Variants in PACRGL observed in about 807,000 individuals in gnomAD.
PACRGL encodes parkin coregulated like.
In PACRGL, 38 loss-of-function variants were observed where a neutral mutation model predicts 34.5. The ratio of observed to expected loss-of-function variants is 1.10; its 90% CI spans 0.85 to 1.44. The LOEUF (loss-of-function observed/expected upper bound fraction) is 1.44, where lower values mean the gene tolerates loss of function less well. Among genes scored for constraint, PACRGL ranks in the 40% most tolerant of loss-of-function variants. The pLI is 0.00. For missense variants in PACRGL, 305 were observed against 281.4 expected (o/e 1.08, Z -0.60); for synonymous variants, 128 against 100.1 (o/e 1.28, Z -1.66).
At position 20,731,310 on chromosome 4, in the gene PACRGL, G is replaced by GTTATC. The variant is rs1223838363; in HGVS notation, c.*3972_*3976dup. 1.2e-6 allele frequency: 1 copy of GTTATC among 824,464 alleles called. No individual in the cohort carries two copies. The highest frequency in any genetic ancestry group is 1.8e-5 in the African/African-American group (1 of 54,068). 51.1% of individuals were successfully genotyped at this position (824,464 alleles called of 1,614,324 possible). On this transcript the variant is annotated 3_prime_UTR_variant, in exon 9 of 9. Transcript: ENST00000503585. Reference sequence around the variant, plus strand: ...ATTGGACTCAAAATCCTGGCCTTAAGTTATCTTCCCGCCTCAGCCTCCCAT... The same window carrying GTTATC: ...ATTGGACTCAAAATCCTGGCCTTAAGTTATCTTATCTTCCCGCCTCAGCCTCCCAT...
At chr4:20,761,383 G>A in the PACRGL span, among the ~76,000 whole-genome samples, 5 of 152,126 alleles carry the variant, frequency 3.3e-5, no homozygotes, top group South Asian at 6.2e-4. Flanking sequence ...CTCCAAAGGT[G>A]GTATGTATAC....
rs555893389 is a variant in PACRGL at position 20,701,613 on chromosome 4, A to C, written c.-17+826A>C. The C allele has an allele frequency of 3.0e-3, 856 of 289,376 alleles. 1 individual carries two copies. Among genetic ancestry groups the C allele is most frequent in the Non-Finnish European group, 4.8e-3 (694 of 144,078 alleles). The allele number at this position is 289,376 out of a possible 1,614,324, so 17.9% of individuals were successfully genotyped here. On this transcript the variant is annotated intron_variant, in intron 1 of 8. Coordinates refer to ENST00000503585, the MANE Select transcript of PACRGL (RefSeq NM_001258345.3). ...AGGGTTACCAAGGATAAGATTTTTAAAGCTTGCTTTCACAAACAACTCATG... is the reference window on the plus strand; with the variant it reads ...AGGGTTACCAAGGATAAGATTTTTACAGCTTGCTTTCACAAACAACTCATG...
chr4:20,729,079 G>T lies in PACRGL; in HGVS notation c.*1738G>T, dbSNP rs1422344573. The T allele has an allele frequency of 1.3e-5, 2 of 151,820 alleles. No homozygotes were observed. The highest frequency in any genetic ancestry group is 2.9e-5 in the Non-Finnish European group (2 of 67,968). 9.4% of individuals were successfully genotyped at this position (151,820 alleles called of 1,614,324 possible). On this transcript the variant is annotated 3_prime_UTR_variant, in exon 9 of 9. Coordinates refer to ENST00000503585, the MANE Select transcript of PACRGL (RefSeq NM_001258345.3). Reference sequence around the variant, plus strand: ...TGCTTGCTAATTTTGCTTGCTGTTTGTTCTTAGTAGACAGTGGGGTAGTCA... The same window carrying T: ...TGCTTGCTAATTTTGCTTGCTGTTTTTTCTTAGTAGACAGTGGGGTAGTCA...
chr4:20,706,865 C>T lies in PACRGL; in HGVS notation c.208-938C>T, dbSNP rs528403566. On this transcript the variant is annotated intron_variant, in intron 3 of 8. Coordinates refer to ENST00000503585, the MANE Select transcript of PACRGL (RefSeq NM_001258345.3). Reference sequence around the variant, plus strand: ...CTGGGATTACAGGCTTGAGCCACTGCGCCTGGCCAGATATGAATCTTTTAT... The same window carrying T: ...CTGGGATTACAGGCTTGAGCCACTGTGCCTGGCCAGATATGAATCTTTTAT... 3.9e-5 allele frequency among the ~76,000 whole-genome samples: 6 copies of T among 152,240 alleles called. No homozygotes were observed. The East Asian group carries it at 1.2e-3, about 29-fold the overall frequency.
chr4:20,762,852 A>G, the PACRGL span, among the ~76,000 whole-genome samples: 62 of 152,306 alleles, frequency 4.1e-4, no homozygotes, highest in African/African-American at 1.4e-3. Context: ...TAAAGGAAAG[A>G]GGTTAATTGA....
downstream of PACRGL, among the ~76,000 whole-genome samples, chr4:20,733,414 C>G (rs2149269236): frequency 6.6e-6 from 1 of 152,264 alleles, no homozygotes; most frequent in Non-Finnish European, 1.5e-5. Flanking sequence ...AAAATAATCT[C>G]TAATAACTTA....
the PACRGL span, among the ~76,000 whole-genome samples, chr4:20,760,282 T>C: frequency 6.6e-6 from 1 of 152,116 alleles, no homozygotes; most frequent in Non-Finnish European, 1.5e-5. Context: ...TGGGGAAGGA[T>C]GAATGGTGTG....
chr4:20,706,101 T>G (rs1457541393), intron 3 of PACRGL, among the ~76,000 whole-genome samples: 3 of 151,922 alleles, frequency 2.0e-5, no homozygotes, highest in Non-Finnish European at 4.4e-5. Flanking sequence ...TGTTAAAAAT[T>G]GAATGGGATA....
chr4:20,724,912 G>GT, intron 8 of PACRGL, 24 bp downstream of exon 8: 1 of 1,255,144 alleles, frequency 8.0e-7, no homozygotes, highest in South Asian at 1.8e-5. Context: ...TATTCCTTAA[G>GT]TCTTTTTTTT....
At chr4:20,723,373 A>G (rs191223879) in intron 7 of PACRGL, among the ~76,000 whole-genome samples, 6 of 152,196 alleles carry the variant, frequency 3.9e-5, no homozygotes, top group Non-Finnish European at 8.8e-5. Flanking sequence ...CTGAGCAGAA[A>G]CAGGCATGCT....
rs1746541685 is a variant in PACRGL at position 20,728,169 on chromosome 4, T to A, written c.*828T>A. On this transcript the variant is annotated 3_prime_UTR_variant, in exon 9 of 9. Transcript: ENST00000503585. ...GGAAAATTTTCAGAGTATTCTAGTT[T>A]AAAAAATTTTTTCTAATTCTGTAAA... 1 of 152,104 alleles carries A rather than the reference T, an allele frequency of 6.6e-6. No homozygotes were observed. The highest frequency in any genetic ancestry group is 1.5e-5 in the Non-Finnish European group (1 of 68,044). The allele number at this position is 152,104 out of a possible 1,614,324, so 9.4% of individuals were successfully genotyped here. A position where few individuals can be genotyped will look rare whatever the true frequency, so the allele number is the denominator to read the frequency against.
intron 1 of PACRGL, among the ~76,000 whole-genome samples, chr4:20,704,059 G>A (rs1733457819): frequency 1.3e-5 from 2 of 152,160 alleles, no homozygotes; most frequent in Non-Finnish European, 2.9e-5. Context: ...AGAGCTTGAT[G>A]TGCACATGTT....
chr4:20,746,140 A>T (rs1018411078), intron 8 of PACRGL, among the ~76,000 whole-genome samples: 1 of 152,208 alleles, frequency 6.6e-6, no homozygotes, highest in Non-Finnish European at 1.5e-5. Context: ...ATGTCCATCA[A>T]TAATACACTG....
intron 6 of PACRGL, 195 bp from the exon 7 acceptor site, chr4:20,713,237 T>C: frequency 1.7e-6 from 1 of 577,922 alleles, no homozygotes; most frequent in East Asian, 2.9e-5. Flanking sequence ...GATGGAAAAT[T>C]TGTTTTTTGC....
intron 7 of PACRGL, chr4:20,719,000 A>G (rs1741598906): frequency 6.6e-6 from 1 of 152,116 alleles, no homozygotes; most frequent in Non-Finnish European, 1.5e-5. Flanking sequence ...TATTGCCTCA[A>G]TTTCCGAGCC....
At chr4:20,735,808 T>TA (rs1330693737), downstream of PACRGL, among the ~76,000 whole-genome samples, 4 of 152,066 alleles carry the variant, frequency 2.6e-5, no homozygotes, top group Non-Finnish European at 4.4e-5. Context: ...GTGCTGGGAT[T>TA]ACAGGCGTGA....
downstream of PACRGL, among the ~76,000 whole-genome samples, chr4:20,757,520 T>C (rs1188419002): frequency 2.0e-5 from 3 of 152,076 alleles, no homozygotes; most frequent in African/African-American, 4.8e-5. Flanking sequence ...TCACCCTCCA[T>C]TGTACACTCT....
chr4:20,730,724 A>C lies in PACRGL; in HGVS notation c.*3383A>C, dbSNP rs575685850. Among the ~76,000 whole-genome samples, 1 of 152,304 alleles carries C rather than the reference A, an allele frequency of 6.6e-6. No homozygotes were observed. The highest frequency in any genetic ancestry group is 2.4e-5 in the African/African-American group (1 of 41,570). ...TACAGAGAAAGAATTGGGGAGCAGA[A>C]ACCACTGCTCAGTGGCTGTGTTCAG... is the stretch of plus-strand genomic sequence containing the variant. On this transcript the variant is annotated 3_prime_UTR_variant, in exon 9 of 9. Coordinates refer to ENST00000503585, the MANE Select transcript of PACRGL (RefSeq NM_001258345.3).
Position 20,731,040 on chromosome 4 carries a change from CA to C in PACRGL, c.*3701del, listed in dbSNP as rs1748021221. ...AAAATAAAGAGAAAAACTAAAGAAA[CA>C]ACGGATTTCTTTGTTTTCAGGATTA... is the stretch of plus-strand genomic sequence containing the variant. On this transcript the variant is annotated 3_prime_UTR_variant, in exon 9 of 9. Transcript: ENST00000503585. Among the ~76,000 whole-genome samples the C allele has an allele frequency of 6.6e-6, 1 of 152,078 alleles. No homozygotes were observed. Among genetic ancestry groups the C allele is most frequent in the African/African-American group, 2.4e-5 (1 of 41,428 alleles).
Sources: gnomAD v4.1 joint callset for allele counts (sites outside exome capture counted in the v4.1 genomes callset) on GRCh38, gnomAD v4.1.1 for gene constraint, MANE v1.5 for transcripts, NCBI Gene and HGNC (gene_info 2026-07-23, HGNC 2026-07-21) for gene names.